The following LY86 variants were observed in gnomAD, a reference collection of about 807,000 sequenced individuals.
LY86 encodes the protein lymphocyte antigen 86, also known as MD-1, RP105-associated.
In LY86, 20 loss-of-function variants were observed where a neutral mutation model predicts 17.3. The ratio of observed to expected loss-of-function variants is 1.15; its 90% CI spans 0.81 to 1.68. The LOEUF is 1.68. LY86 is among the 40% of genes most tolerant of loss of function. The pLI, the probability that LY86 is intolerant of heterozygous loss-of-function variation, is 0.00. For synonymous variants in LY86, 74 were observed against 70.6 expected (o/e 1.05, Z -0.24); for missense variants, 200 against 191.9 (o/e 1.04, Z -0.25).
Position 6,613,684 on chromosome 6 carries a change from A to G in LY86, c.137-11242A>G, listed in dbSNP as rs555521381. Among the ~76,000 whole-genome samples, 5 of 152,348 alleles carry G rather than the reference A, an allele frequency of 3.3e-5. No individual in the cohort carries two copies. The East Asian group carries it at 9.7e-4, about 29-fold the overall frequency. ...CGGCTCCGGCCTTGGCCAGCCCAGA[A>G]AGGGGTTCCCACAGTGCAGCGGCGG... On this transcript the variant is annotated intron_variant, in intron 1 of 4. Coordinates refer to ENST00000230568, the MANE Select transcript of LY86 (RefSeq NM_004271.4).
chr6:6,605,552 G>A (rs1302247169), intron 1 of LY86, among the ~76,000 whole-genome samples: 3 of 152,268 alleles, frequency 2.0e-5, no homozygotes, highest in East Asian at 1.9e-4. Flanking sequence ...ATGGCAACGT[G>A]CTTCCCACGG....
chr6:6,631,961 C>T (rs1177753864), intron 3 of LY86, among the ~76,000 whole-genome samples: 1 of 152,120 alleles, frequency 6.6e-6, no homozygotes, highest in Non-Finnish European at 1.5e-5. Flanking sequence ...CTGATCAGTC[C>T]TGCTCTAAGT....
intron 1 of LY86, among the ~76,000 whole-genome samples, chr6:6,613,270 G>A (rs1443327579): frequency 6.6e-6 from 1 of 152,274 alleles, no homozygotes; most frequent in African/African-American, 2.4e-5. Flanking sequence ...CCCGCGCCGT[G>A]CGCCCGCACT....
chr6:6,596,428 C>A (rs963541770), intron 1 of LY86, among the ~76,000 whole-genome samples: 1 of 152,110 alleles, frequency 6.6e-6, no homozygotes, highest in East Asian at 1.9e-4. Context: ...CCTCACAGGT[C>A]ATCTAGTCAC....
At chr6:6,596,739 G>A (rs1760726038) in intron 1 of LY86, among the ~76,000 whole-genome samples, 1 of 152,174 alleles carries the variant, frequency 6.6e-6, no homozygotes, top group African/African-American at 2.4e-5. Flanking sequence ...CAGAAGGGAA[G>A]CAAGCCACGT....
intron 3 of LY86, among the ~76,000 whole-genome samples, chr6:6,635,521 G>A (rs1289545267): frequency 2.0e-5 from 3 of 152,108 alleles, no homozygotes; most frequent in Admixed American, 2.0e-4. Context: ...TGAGACTGCA[G>A]AAAGTGAAAC....
At chr6:6,610,180 A>ACAGT (rs1761296004) in intron 1 of LY86, among the ~76,000 whole-genome samples, 1 of 152,228 alleles carries the variant, frequency 6.6e-6, no homozygotes, top group Non-Finnish European at 1.5e-5. Context: ...AAACCTGAGT[A>ACAGT]CAGTCTGTAG....
At chr6:6,612,843 A>G (rs977921767) in intron 1 of LY86, among the ~76,000 whole-genome samples, 11 of 152,150 alleles carry the variant, frequency 7.2e-5, no homozygotes, top group African/African-American at 2.7e-4. Flanking sequence ...CTTGAGCTAG[A>G]TACAGAGTGC....
At chr6:6,636,703 GA>G (rs1346928445) in intron 3 of LY86, among the ~76,000 whole-genome samples, 1 of 152,108 alleles carries the variant, frequency 6.6e-6, no homozygotes, top group East Asian at 1.9e-4. Flanking sequence ...CATGGAATTG[GA>G]AATTTGAAGC....
At chr6:6,605,994 C>T (rs4960223) in intron 1 of LY86, among the ~76,000 whole-genome samples, 127,360 of 151,950 alleles carry the variant, frequency 0.84, 53,389 homozygotes, top group Middle Eastern at 0.94. Context: ...GCAAAATTTA[C>T]TGCGAAAAGC....
At chr6:6,638,059 C>T (rs1210008174) in intron 3 of LY86, among the ~76,000 whole-genome samples, 1 of 152,178 alleles carries the variant, frequency 6.6e-6, no homozygotes, top group African/African-American at 2.4e-5. Context: ...CTGAAAAAGT[C>T]ATTTTCCCTG....
intron 1 of LY86, among the ~76,000 whole-genome samples, chr6:6,605,106 G>T (rs1014380460): frequency 1.3e-5 from 2 of 151,334 alleles, no homozygotes; most frequent in African/African-American, 4.9e-5. Flanking sequence ...AATGACCCCA[G>T]AAGTCAGTTT....
intron 1 of LY86, among the ~76,000 whole-genome samples, chr6:6,601,438 A>G (rs763367199): frequency 1.3e-5 from 2 of 152,216 alleles, no homozygotes; most frequent in Non-Finnish European, 2.9e-5. Flanking sequence ...AATATACACT[A>G]GAGGCCGGGC....
intron 1 of LY86, among the ~76,000 whole-genome samples, chr6:6,598,292 CATT>C (rs1397044537): frequency 6.6e-6 from 1 of 152,144 alleles, no homozygotes; most frequent in African/African-American, 2.4e-5. Flanking sequence ...TTATTCAACT[CATT>C]TTTTTTCTTA....
At chr6:6,612,516 C>CA (rs61453908) in intron 1 of LY86, among the ~76,000 whole-genome samples, 42,753 of 150,806 alleles carry the variant, frequency 0.28, 6,388 homozygotes, top group East Asian at 0.5. Context: ...CTGCAAAAAG[C>CA]AAAAGAACAA....
intron 1 of LY86, chr6:6,621,505 T>C (rs547876174): frequency 6.6e-6 from 1 of 152,244 alleles, no homozygotes; most frequent in Non-Finnish European, 1.5e-5. Context: ...AAAGCAGTGA[T>C]CGCCACCAGG....
In LY86 at chr6:6,626,518, T is replaced by C. The variant is rs551451815; in HGVS notation, c.352+97T>C. On this transcript the variant is annotated intron_variant, in intron 3 of 4. Transcript: ENST00000230568. ...AGGACGCCCAGACCAGAGCTCTGTC[T>C]CTGCCCCTCGCCTTTGGACGAGCTT... 1.9e-5 allele frequency: 26 copies of C among 1,396,790 alleles called. No homozygotes were observed. The African/African-American group carries it at 3.3e-4, about 18-fold the overall frequency. 86.5% of individuals were successfully genotyped at this position (1,396,790 alleles called of 1,614,324 possible).
chr6:6,653,015 C>T (rs969814792), intron 4 of LY86, among the ~76,000 whole-genome samples: 3 of 152,192 alleles, frequency 2.0e-5, no homozygotes, highest in Admixed American at 6.5e-5. Context: ...CCGGTCTTTA[C>T]TCATAATTAA....
At chr6:6,617,214 A>G (rs534957150) in intron 1 of LY86, among the ~76,000 whole-genome samples, 43 of 152,382 alleles carry the variant, frequency 2.8e-4, no homozygotes, top group African/African-American at 9.9e-4. Context: ...AACCAATAGT[A>G]GGGCTCTGGG....
Sources: allele counts gnomAD v4.1 joint callset (sites outside exome capture counted in the v4.1 genomes callset), GRCh38; gene constraint gnomAD v4.1.1; transcripts MANE v1.5; gene names NCBI Gene and HGNC (gene_info 2026-07-23, HGNC 2026-07-21).